The following PPP1R13B variants were observed in gnomAD, a reference collection of about 807,000 sequenced individuals.
The protein encoded by PPP1R13B is apoptosis-stimulating of p53 protein 1.
A neutral mutation model predicts 119.8 loss-of-function variants in PPP1R13B; 44 were observed. The observed-to-expected ratio is 0.37, with a 90% CI of 0.29 to 0.47. The LOEUF (loss-of-function observed/expected upper bound fraction) is 0.47, where lower values mean the gene tolerates loss of function less well. Ranked by LOEUF, PPP1R13B falls within the 20% of genes least tolerant of loss-of-function variation. PPP1R13B has a pLI of 0.99. For synonymous variants in PPP1R13B, 542 were observed against 561.5 expected (o/e 0.97, Z 0.49); for missense variants, 1,227 against 1,413.5 (o/e 0.87, Z 2.12).
intron 1 of PPP1R13B, among the ~76,000 whole-genome samples, chr14:103,831,600 C>T (rs554488327): frequency 6.6e-6 from 1 of 151,262 alleles, no homozygotes; most frequent in South Asian, 2.1e-4. Context: ...CGTGAGCCAC[C>T]ATGCTCGGCC....
intron 1 of PPP1R13B, among the ~76,000 whole-genome samples, chr14:103,816,814 A>G (rs2086293127): frequency 1.3e-5 from 2 of 152,342 alleles, no homozygotes; most frequent in Middle Eastern, 3.4e-3. Flanking sequence ...TTAAAACAAC[A>G]AAGATAATTA....
intron 9 of PPP1R13B, 54 bp downstream of exon 9, chr14:103,746,316 CAGG>C: frequency 3.8e-6 from 1 of 264,532 alleles, no homozygotes. Context: ...CCCTCCACCG[CAGG>C]CCCCATTCCC....
Position 103,847,525 on chromosome 14 carries a change from G to A in PPP1R13B, c.-218C>T, listed in dbSNP as rs2087084062. Reference sequence around the variant, plus strand: ...TCGCTGTCCCGGGCACCCGGCCGCCGCCGCCGCCGCCTCAACCTCAGCCTC... The same window carrying A: ...TCGCTGTCCCGGGCACCCGGCCGCCACCGCCGCCGCCTCAACCTCAGCCTC... On this transcript the variant is annotated 5_prime_UTR_variant, in exon 1 of 17. Transcript: ENST00000202556. 1.0e-6 allele frequency: 1 copy of A among 984,686 alleles called. No individual in the cohort carries two copies. The highest frequency in any genetic ancestry group is 1.2e-6 in the Non-Finnish European group (1 of 830,814). The allele number at this position is 984,686 out of a possible 1,614,324, so 61.0% of individuals were successfully genotyped here.
chr14:103,794,629 G>A (rs2085713048), intron 2 of PPP1R13B: 1 of 448,762 alleles, frequency 2.2e-6, no homozygotes, highest in Admixed American at 2.4e-5. Context: ...TGCCCGGCCA[G>A]GTGCAGTAAG....
chr14:103,784,120 G>A (rs976804600), intron 3 of PPP1R13B, among the ~76,000 whole-genome samples: 1 of 152,112 alleles, frequency 6.6e-6, no homozygotes, highest in African/African-American at 2.4e-5. Flanking sequence ...AGGTTGCAGT[G>A]AGCTGAGATT....
intron 4 of PPP1R13B, among the ~76,000 whole-genome samples, chr14:103,766,764 C>T (rs1057308615): frequency 7.2e-5 from 11 of 151,980 alleles, no homozygotes; most frequent in African/African-American, 2.4e-4. Flanking sequence ...CGTGCCATCA[C>T]GCCCAGCTAA....
intron 1 of PPP1R13B, among the ~76,000 whole-genome samples, chr14:103,839,414 C>T (rs751436179): frequency 2.6e-5 from 4 of 151,858 alleles, no homozygotes; most frequent in African/African-American, 7.2e-5. Flanking sequence ...GATCACCTGA[C>T]GTTGGGAGTT....
intron 5 of PPP1R13B, among the ~76,000 whole-genome samples, chr14:103,755,071 C>T (rs1020497050): frequency 2.0e-5 from 3 of 146,784 alleles, no homozygotes; most frequent in African/African-American, 5.2e-5. Context: ...CGTGAGCCAC[C>T]GCGCCCGGTG....
At chr14:103,783,209 T>C (rs913280000) in intron 3 of PPP1R13B, among the ~76,000 whole-genome samples, 5 of 137,354 alleles carry the variant, frequency 3.6e-5, no homozygotes, top group Non-Finnish European at 6.7e-5. Flanking sequence ...AATTTATCTT[T>C]TGACTTTTTT....
At chr14:103,848,185 C>A (rs2087118079), upstream of PPP1R13B, 2 of 947,320 alleles carry the variant, frequency 2.1e-6, no homozygotes, top group South Asian at 9.7e-5. Flanking sequence ...CGGGGCCGCG[C>A]CCCCCGCACC....
At chr14:103,820,897 C>CG (rs1221318490) in intron 1 of PPP1R13B, among the ~76,000 whole-genome samples, 4 of 151,622 alleles carry the variant, frequency 2.6e-5, no homozygotes, top group South Asian at 2.1e-4. Context: ...AAGTTGTTTG[C>CG]GGGGAAAAAA....
At chr14:103,799,692 T>A (rs2085853233) in intron 1 of PPP1R13B, among the ~76,000 whole-genome samples, 2 of 150,886 alleles carry the variant, frequency 1.3e-5, no homozygotes, top group Middle Eastern at 3.4e-3. Flanking sequence ...TGGAAGGAAA[T>A]TTTTTTTTCC....
At chr14:103,834,440 T>C (rs1423838868) in intron 1 of PPP1R13B, among the ~76,000 whole-genome samples, 3 of 151,988 alleles carry the variant, frequency 2.0e-5, no homozygotes, top group Admixed American at 6.6e-5. Flanking sequence ...TCATACAAGA[T>C]GGAAGATGCC....
Position 103,746,519 on chromosome 14 carries a change from G to C in PPP1R13B, c.1004C>G (p.Ser335Cys), listed in dbSNP as rs759666932. 6.2e-7 allele frequency: 1 copy of C among 1,609,262 alleles called. No individual in the cohort carries two copies. Among genetic ancestry groups the C allele is most frequent in the East Asian group, 2.2e-5 (1 of 44,752 alleles). The part of the protein sequence containing the change: ...NRVNGTSSPQ[S>C]PLSTSGRVAA... ...GACCCTGCCCGATGTGCTCAGAGGG[G>C]ACTGTGGTGATGACGTGCCATTCAC... Residue 335 changes from serine (S) to cysteine (C), a missense_variant, in exon 9 of 17, where the codon TCC (serine) becomes TGC (cysteine). Transcript: ENST00000202556.
At chr14:103,837,453 A>C (rs1443122497) in intron 1 of PPP1R13B, among the ~76,000 whole-genome samples, 1 of 152,138 alleles carries the variant, frequency 6.6e-6, no homozygotes, top group Non-Finnish European at 1.5e-5. Context: ...AAGGAAAGGC[A>C]AGCCTGGCTG....
chr14:103,736,508 A>G, intron 15 of PPP1R13B: 1 of 452,304 alleles, frequency 2.2e-6, no homozygotes, highest in Non-Finnish European at 4.0e-6. Flanking sequence ...AATCACAGCC[A>G]GAACAGATTT....
At chr14:103,829,132 C>T (rs2086613340) in intron 1 of PPP1R13B, among the ~76,000 whole-genome samples, 2 of 152,086 alleles carry the variant, frequency 1.3e-5, no homozygotes, top group South Asian at 2.1e-4. Context: ...TTAATTGTAA[C>T]AGTATTAATT....
intron 4 of PPP1R13B, among the ~76,000 whole-genome samples, chr14:103,768,223 C>G (rs777599692): frequency 1.1e-4 from 17 of 151,462 alleles, no homozygotes; most frequent in Admixed American, 2.6e-4. Context: ...TCAAGTGATT[C>G]TCCTGCCTCA....
intron 1 of PPP1R13B, among the ~76,000 whole-genome samples, chr14:103,799,820 T>A (rs1595790749): frequency 6.6e-6 from 1 of 151,454 alleles, no homozygotes; most frequent in Non-Finnish European, 1.5e-5. Flanking sequence ...CCAAGGTGGG[T>A]GGATCACCTG....
Sources: gnomAD v4.1 joint callset for allele counts (sites outside exome capture counted in the v4.1 genomes callset) on GRCh38, gnomAD v4.1.1 for gene constraint, MANE v1.5 for transcripts, NCBI Gene and HGNC (gene_info 2026-07-23, HGNC 2026-07-21) for gene names.